Variants in ATE1 observed in about 807,000 individuals in gnomAD.
The protein encoded by ATE1 is arginyltransferase 1.
A neutral mutation model predicts 70.5 loss-of-function variants in ATE1; 36 were observed. The ratio of observed to expected loss-of-function variants is 0.51; its 90% confidence interval spans 0.39 to 0.67. The LOEUF is 0.67. Among genes scored for constraint, ATE1 ranks in the 30% least tolerant of loss-of-function variants. The pLI is 0.00. For missense variants in ATE1, 593 were observed against 629.5 expected, an observed-to-expected ratio of 0.94 and a Z score of 0.62; for synonymous variants, 232 against 219.3, an observed-to-expected ratio of 1.06 and a Z score of -0.51.
intron 3 of ATE1, among the ~76,000 whole-genome samples, chr10:121,914,496 T>C (rs983012014): frequency 1.3e-5 from 2 of 151,326 alleles, no homozygotes; most frequent in African/African-American, 4.9e-5. Context: ...AGTTGAATCC[T>C]AGGCCAACAG....
At chr10:121,810,989 T>A (rs1012902043) in intron 10 of ATE1, among the ~76,000 whole-genome samples, 2 of 152,148 alleles carry the variant, frequency 1.3e-5, no homozygotes, top group African/African-American at 4.8e-5. Flanking sequence ...GTGTGAGCCA[T>A]CACGCCCAGC....
chr10:121,799,347 T>C (rs1946785376), intron 10 of ATE1, among the ~76,000 whole-genome samples: 1 of 152,044 alleles, frequency 6.6e-6, no homozygotes, highest in Non-Finnish European at 1.5e-5. Flanking sequence ...GGTGAAAGAA[T>C]CAGCTTTCTC....
chr10:121,928,070 G>C (rs1165549657), upstream of ATE1: 1 of 1,206,400 alleles, frequency 8.3e-7, no homozygotes, highest in Non-Finnish European at 1.0e-6. Flanking sequence ...AGCCACTCGG[G>C]CGCCCGCAGG....
intron 10 of ATE1, among the ~76,000 whole-genome samples, chr10:121,819,382 T>C (rs1194559032): frequency 3.3e-5 from 5 of 152,144 alleles, no homozygotes; most frequent in Admixed American, 6.5e-5. Context: ...TGCTGTTTTA[T>C]ATACATGGGC....
chr10:121,856,135 A>T (rs2133912578), intron 8 of ATE1, among the ~76,000 whole-genome samples: 1 of 152,222 alleles, frequency 6.6e-6, no homozygotes, highest in Non-Finnish European at 1.5e-5. Context: ...TTGGATAAAT[A>T]AGGCTAGTTT....
intron 10 of ATE1, among the ~76,000 whole-genome samples, chr10:121,815,215 G>A (rs1020860712): frequency 6.6e-6 from 1 of 152,158 alleles, no homozygotes; most frequent in Admixed American, 6.5e-5. Flanking sequence ...GGCTCACTGC[G>A]AGCTCCGCCT....
At chr10:121,789,106 T>G (rs954565193) in intron 11 of ATE1, among the ~76,000 whole-genome samples, 2 of 152,204 alleles carry the variant, frequency 1.3e-5, no homozygotes, top group Non-Finnish European at 2.9e-5. Flanking sequence ...AAAACAGTAA[T>G]AGGGGGCTGT....
chr10:121,790,311 A>C, intron 10 of ATE1, 22 bp from the exon 11 acceptor site: 1 of 1,610,830 alleles, frequency 6.2e-7, no homozygotes, highest in Non-Finnish European at 8.5e-7. Flanking sequence ...TGAAGGAAAA[A>C]GGCACAGGCA....
chr10:121,918,289 C>T (rs943681897), intron 3 of ATE1, among the ~76,000 whole-genome samples: 2 of 150,610 alleles, frequency 1.3e-5, no homozygotes, highest in African/African-American at 2.4e-5. Context: ...GCAGAGATCG[C>T]GCCACTGCAC....
intron 10 of ATE1, among the ~76,000 whole-genome samples, chr10:121,819,802 C>T (rs1947718700): frequency 6.6e-6 from 1 of 151,662 alleles, no homozygotes; most frequent in South Asian, 2.1e-4. Context: ...CAAATACCAG[C>T]TGTTCCCCGC....
chr10:121,908,440 T>G (rs10749434), intron 5 of ATE1, among the ~76,000 whole-genome samples: 137,335 of 152,174 alleles, frequency 0.9, 62,110 homozygotes, highest in Middle Eastern at 0.96. Flanking sequence ...GGAGGTGGAG[T>G]CTGCAGTGAG....
At chr10:121,928,265 G>C (rs1333272345), upstream of ATE1, 3 of 1,434,354 alleles carry the variant, frequency 2.1e-6, no homozygotes, top group East Asian at 8.7e-5. Context: ...GCGGGAGTCG[G>C]GGTGCGAGCC....
At chr10:121,760,657 T>C (rs1253165484) in intron 11 of ATE1, among the ~76,000 whole-genome samples, 1 of 152,198 alleles carries the variant, frequency 6.6e-6, no homozygotes, top group Non-Finnish European at 1.5e-5. Context: ...CTGGTGAAGA[T>C]GCTGCAAATA....
In ATE1 at chr10:121,885,352, G is replaced by A. The variant is rs555793214; in HGVS notation, c.942+14514C>T. Among the ~76,000 whole-genome samples, 967 of 146,884 alleles carry A rather than the reference G, an allele frequency of 6.6e-3. 8 individuals are homozygous for A. Among genetic ancestry groups the A allele is most frequent in the African/African-American group, 0.023 (919 of 40,464 alleles). On this transcript the variant is annotated intron_variant, in intron 7 of 11. Transcript: ENST00000224652. ...TGGGAGGCCGAGGCAGACAGATCAC[G>A]AGGTCAGGAGATCGAGACCATCCTG...
At position 121,821,180 on chromosome 10, in the gene ATE1, G is replaced by A. The variant is rs541335243; in HGVS notation, c.1257+15538C>T. Among the ~76,000 whole-genome samples, 12 of 152,216 alleles carry A rather than the reference G, an allele frequency of 7.9e-5. No individual in the cohort carries two copies. In the East Asian group the frequency reaches 1.4e-3, roughly 17 times the overall value. On this transcript the variant is annotated intron_variant, in intron 10 of 11. Coordinates refer to ENST00000224652, the MANE Select transcript of ATE1 (RefSeq NM_001001976.3). ...AGGATGGTCTCGATCTCCTGACCTCGTGATCCACCTGCCTCAGCCTCCCAA... is the reference window on the plus strand; with the variant it reads ...AGGATGGTCTCGATCTCCTGACCTCATGATCCACCTGCCTCAGCCTCCCAA...
chr10:121,853,670 A>T (rs897355354), intron 8 of ATE1, among the ~76,000 whole-genome samples: 2 of 150,812 alleles, frequency 1.3e-5, no homozygotes, highest in South Asian at 4.2e-4. Flanking sequence ...AATCATTGTT[A>T]AAAAAAAATA....
rs376446422 is a variant in ATE1 at position 121,819,568 on chromosome 10, G to A, written c.1257+17150C>T. Among the ~76,000 whole-genome samples, 55 of 150,802 alleles carry A rather than the reference G, an allele frequency of 3.6e-4. No homozygotes were observed. The East Asian group carries it at 8.4e-3, about 23-fold the overall frequency. On this transcript the variant is annotated intron_variant, in intron 10 of 11. Coordinates refer to ENST00000224652, the MANE Select transcript of ATE1 (RefSeq NM_001001976.3). ...AAATACAAAATAAAATTAGCCAGGC[G>A]TGGTGGCAGGTGCCTGTAGTCCCAG...
intron 4 of ATE1, among the ~76,000 whole-genome samples, chr10:121,912,039 C>A (rs1170528223): frequency 2.0e-5 from 3 of 152,098 alleles, no homozygotes; most frequent in Middle Eastern, 3.4e-3. Flanking sequence ...AACCACCATG[C>A]CCGGCCAAGC....
rs144276563 is a variant in ATE1, at chr10:121,860,936, A to G, written c.975+9070T>C. 2.8e-4 allele frequency among the ~76,000 whole-genome samples: 43 copies of G among 152,310 alleles called. No homozygotes were observed. The South Asian group carries it at 7.9e-3, about 28-fold the overall frequency. The stretch of plus-strand genomic sequence containing the variant: ...TCAATTTGAGATTCCTGCTTTTACA[A>G]TATTTCTTATGAGGGAAAAATACAT... On this transcript the variant is annotated intron_variant, in intron 8 of 11. Coordinates refer to ENST00000224652, the MANE Select transcript of ATE1 (RefSeq NM_001001976.3).
Sources: gnomAD v4.1 joint callset for allele counts (sites outside exome capture counted in the v4.1 genomes callset) on GRCh38, gnomAD v4.1.1 for gene constraint, MANE v1.5 for transcripts, NCBI Gene and HGNC (gene_info 2026-07-23, HGNC 2026-07-21) for gene names.